PARD3B: variants seen among roughly 807,000 people sequenced by gnomAD.
The protein encoded by PARD3B is par-3 family cell polarity regulator beta.
PARD3B carries 103 observed loss-of-function variants against 130.2 expected under a neutral mutation model. That is an observed-to-expected ratio of 0.79 (90% confidence interval 0.67 to 0.93). PARD3B has a LOEUF of 0.93. Ranked by LOEUF, PARD3B falls within the 40% of genes least tolerant of loss-of-function variation. The pLI is 0.00. For missense variants in PARD3B, 1,609 were observed against 1,499.2 expected (o/e 1.07, Z -1.21); for synonymous variants, 583 against 553.2 (o/e 1.05, Z -0.76).
chr2:205,075,749 C>T (rs1701015239), intron 4 of PARD3B, among the ~76,000 whole-genome samples: 2 of 149,570 alleles, frequency 1.3e-5, no homozygotes, highest in East Asian at 3.9e-4. Flanking sequence ...ATATACAAGA[C>T]ACTCCAAAAA....
intron 2 of PARD3B, among the ~76,000 whole-genome samples, chr2:204,873,627 A>G (rs2045722670): frequency 2.0e-5 from 3 of 152,360 alleles, no homozygotes; most frequent in Non-Finnish European, 4.4e-5. Flanking sequence ...TTTGAAAAAC[A>G]AAACAACATG....
In PARD3B at chr2:205,550,974, T is replaced by C. The variant is rs1189812726; in HGVS notation, c.3181-2350T>C. On this transcript the variant is annotated intron_variant, in intron 21 of 22. Coordinates refer to ENST00000406610, the MANE Select transcript of PARD3B (RefSeq NM_001302769.2). This position sits in a 1 kb window ranked among gnomAD's most constrained non-coding sequence, Gnocchi z 4.5. ...ATATGTGTATATATATATATATATA[T>C]ATACACACACACACACACACACACA... Among the ~76,000 whole-genome samples the C allele has an allele frequency of 3.0e-5, 3 of 98,544 alleles. No homozygotes were observed. The highest frequency in any genetic ancestry group is 2.9e-4 in the Admixed American group (3 of 10,212). 64.6% of individuals were successfully genotyped at this position (98,544 alleles called of 152,430 possible). A position where few individuals can be genotyped will look rare whatever the true frequency, so the allele number is the denominator to read the frequency against.
Position 205,172,540 on chromosome 2 carries a change from A to G in PARD3B, c.1791+159A>G, listed in dbSNP as rs563610723. Among the ~76,000 whole-genome samples the G allele has an allele frequency of 2.0e-5, 3 of 152,322 alleles. 1 individual carries two copies. In the South Asian group the frequency reaches 6.2e-4, roughly 32 times the overall value. The stretch of plus-strand genomic sequence containing the variant: ...GGTTGTGTATTTTAGGTATAATAGA[A>G]AGGTGTAAAAATGTGCATATAAAGT... On this transcript the variant is annotated intron_variant, in intron 12 of 22. Coordinates refer to ENST00000406610, the MANE Select transcript of PARD3B (RefSeq NM_001302769.2).
At chr2:205,005,935 T>C (rs567741502) in intron 3 of PARD3B, among the ~76,000 whole-genome samples, 1 of 152,310 alleles carries the variant, frequency 6.6e-6, no homozygotes, top group South Asian at 2.1e-4. Flanking sequence ...CTGCACTCAA[T>C]GTGTAGTCTG....
rs552931752 is a variant in PARD3B, at chr2:205,531,428, C to A, written c.3181-21896C>A. On this transcript the variant is annotated intron_variant, in intron 21 of 22. Transcript: ENST00000406610. ...AGAAGAATCGCCTGGGCATGCAAGCCTTCCCCTGCTGTATTCTCATCTGTA... is the reference window on the plus strand; with the variant it reads ...AGAAGAATCGCCTGGGCATGCAAGCATTCCCCTGCTGTATTCTCATCTGTA... 7.2e-5 allele frequency among the ~76,000 whole-genome samples: 11 copies of A among 152,266 alleles called. No homozygotes were observed. In the South Asian group the frequency reaches 2.3e-3, roughly 32 times the overall value.
chr2:205,557,521 A>G (rs2052943698), intron 22 of PARD3B, among the ~76,000 whole-genome samples: 1 of 152,078 alleles, frequency 6.6e-6, no homozygotes, highest in South Asian at 2.1e-4. Context: ...TGAGGGCCTG[A>G]GCTCGGAGTC....
In PARD3B at chr2:205,311,953, T is replaced by C. The variant is rs182223640; in HGVS notation, c.2630+10252T>C. Among the ~76,000 whole-genome samples, 74 of 152,324 alleles carry C rather than the reference T, an allele frequency of 4.9e-4. No individual in the cohort carries two copies. In the Middle Eastern group the frequency reaches 0.01, roughly 21 times the overall value. On this transcript the variant is annotated intron_variant, in intron 18 of 22. Transcript: ENST00000406610. ...ATTCTTAATGCGTGGCTCATAGTTA[T>C]TTCATCAGGCTGCTCTGAGGTTGTC...
chr2:205,390,646 C>A (rs964093172), intron 18 of PARD3B, among the ~76,000 whole-genome samples: 5 of 152,028 alleles, frequency 3.3e-5, no homozygotes, highest in Non-Finnish European at 2.9e-5. Context: ...AGAAAATGTG[C>A]CCTGTTTCTC....
chr2:204,752,859 A>G (rs776935747), intron 2 of PARD3B, among the ~76,000 whole-genome samples: 2 of 152,172 alleles, frequency 1.3e-5, no homozygotes, highest in East Asian at 1.9e-4. Context: ...CTTAATTGGA[A>G]AAGCCGTCAA....
At chr2:204,848,860 T>A (rs2044580691) in intron 2 of PARD3B, among the ~76,000 whole-genome samples, 1 of 152,102 alleles carries the variant, frequency 6.6e-6, no homozygotes, top group East Asian at 1.9e-4. Flanking sequence ...AAGTAAAATT[T>A]TATTTGACTT....
chr2:204,604,227 TCAC>T (rs914766249), intron 1 of PARD3B, among the ~76,000 whole-genome samples: 21 of 152,158 alleles, frequency 1.4e-4, no homozygotes, highest in African/African-American at 4.8e-4. Context: ...GTGCTTTTCC[TCAC>T]CACTGAGAAT....
At position 205,122,482 on chromosome 2, in the gene PARD3B, A is replaced by T. The variant is rs887544893; in HGVS notation, c.1165+533A>T. On this transcript the variant is annotated intron_variant, in intron 8 of 22. Coordinates refer to ENST00000406610, the MANE Select transcript of PARD3B (RefSeq NM_001302769.2). The surrounding 1 kb of genome is among the most constrained non-coding windows in gnomAD (Gnocchi z 4.3). ...ATATTTTCTTTCTTCATCTTTTTCA[A>T]CTTTTCTATCCATTTCAAGCACAGA... Among the ~76,000 whole-genome samples the T allele has an allele frequency of 2.0e-5, 3 of 152,164 alleles. No individual in the cohort carries two copies. Among genetic ancestry groups the T allele is most frequent in the Non-Finnish European group, 4.4e-5 (3 of 68,012 alleles).
chr2:205,240,472 G>A (rs1439842407), intron 15 of PARD3B, among the ~76,000 whole-genome samples: 1 of 152,068 alleles, frequency 6.6e-6, no homozygotes, highest in East Asian at 1.9e-4. Flanking sequence ...ATCTATATAA[G>A]ACTACCATTG....
chr2:204,620,454 C>T (rs79665610), intron 1 of PARD3B, among the ~76,000 whole-genome samples: 3,879 of 152,300 alleles, frequency 0.025, 164 homozygotes, highest in African/African-American at 0.086. Context: ...TTATGATTCA[C>T]TGGCCAAAGT....
intron 1 of PARD3B, among the ~76,000 whole-genome samples, chr2:204,629,948 A>G (rs1288270313): frequency 5.9e-5 from 9 of 152,214 alleles, no homozygotes; most frequent in African/African-American, 2.2e-4. Flanking sequence ...TATATGCAGC[A>G]TTACATAAAG....
At chr2:204,846,603 A>T (rs940070633) in intron 2 of PARD3B, among the ~76,000 whole-genome samples, 3 of 151,046 alleles carry the variant, frequency 2.0e-5, no homozygotes, top group African/African-American at 4.9e-5. Flanking sequence ...GAAGAGTTAT[A>T]AGAGAACTTG....
intron 1 of PARD3B, among the ~76,000 whole-genome samples, chr2:204,634,311 A>G (rs1319721137): frequency 6.6e-6 from 1 of 152,172 alleles, no homozygotes; most frequent in Non-Finnish European, 1.5e-5. Flanking sequence ...TGTTGTTGCA[A>G]ATAACAGGAT....
At chr2:205,483,844 G>C (rs1024738218) in intron 20 of PARD3B, among the ~76,000 whole-genome samples, 5 of 152,096 alleles carry the variant, frequency 3.3e-5, no homozygotes, top group Admixed American at 6.6e-5. Flanking sequence ...CTTCTAGCTA[G>C]GGGGCAGTGG....
At chr2:205,504,654 T>G (rs1246163483) in intron 21 of PARD3B, among the ~76,000 whole-genome samples, 1 of 152,348 alleles carries the variant, frequency 6.6e-6, no homozygotes, top group South Asian at 2.1e-4. Flanking sequence ...CATCATCACT[T>G]GCCATCAGAG....
Sources: gnomAD v4.1 joint callset for allele counts (sites outside exome capture counted in the v4.1 genomes callset) on GRCh38, gnomAD v4.1.1 for gene constraint, Gnocchi (gnomAD v3.1) non-coding constraint, MANE v1.5 for transcripts, NCBI Gene and HGNC (gene_info 2026-07-23, HGNC 2026-07-21) for gene names.